The following COMMD10 variants were observed in gnomAD, a reference collection of about 807,000 sequenced individuals.
COMMD10 encodes COMM domain-containing protein 10.
Under a neutral mutation model 28.9 loss-of-function variants are expected in COMMD10, and 33 were observed. That is an observed-to-expected ratio of 1.14 (90% CI 0.87 to 1.53). The LOEUF is 1.53. Among genes scored for constraint, COMMD10 ranks in the 40% most tolerant of loss-of-function variants. COMMD10 has a pLI of 0.00. For synonymous variants in COMMD10, 110 were observed against 81.7 expected, an observed-to-expected ratio of 1.35 and a Z score of -1.87; for missense variants, 310 against 233.4, an observed-to-expected ratio of 1.33 and a Z score of -2.14.
chr5:116,248,279 G>A (rs1213131385), intron 5 of COMMD10, among the ~76,000 whole-genome samples: 1 of 151,952 alleles, frequency 6.6e-6, no homozygotes, highest in Non-Finnish European at 1.5e-5. Flanking sequence ...CTTAAGTGTA[G>A]CTTTTGGACA....
At chr5:116,131,138 C>T (rs1255400374) in intron 4 of COMMD10, among the ~76,000 whole-genome samples, 1 of 151,844 alleles carries the variant, frequency 6.6e-6, no homozygotes, top group Admixed American at 6.6e-5. Flanking sequence ...TATCATTTAA[C>T]CCTTTACAAC....
At chr5:116,126,233 C>T (rs1751632878) in intron 4 of COMMD10, among the ~76,000 whole-genome samples, 1 of 152,262 alleles carries the variant, frequency 6.6e-6, no homozygotes. Flanking sequence ...TGAAGGACCT[C>T]TTCAAGGAGA....
At chr5:116,264,689 A>G (rs536144250) in intron 5 of COMMD10, among the ~76,000 whole-genome samples, 2 of 151,940 alleles carry the variant, frequency 1.3e-5, no homozygotes, top group East Asian at 1.9e-4. Flanking sequence ...AATTTCTCAC[A>G]TTGCTTTTCT....
At chr5:116,193,842 C>G (rs1748436030) in intron 5 of COMMD10, among the ~76,000 whole-genome samples, 1 of 152,046 alleles carries the variant, frequency 6.6e-6, no homozygotes, top group South Asian at 2.1e-4. Context: ...AACATTTTAT[C>G]CAACAACCAC....
At chr5:116,266,829 G>T (rs1355793310) in intron 5 of COMMD10, among the ~76,000 whole-genome samples, 1 of 151,172 alleles carries the variant, frequency 6.6e-6, no homozygotes, top group Non-Finnish European at 1.5e-5. Context: ...CATATAAACA[G>T]AACCAAAGAC....
At chr5:116,241,838 C>CT (rs1350784471) in intron 5 of COMMD10, among the ~76,000 whole-genome samples, 2 of 151,602 alleles carry the variant, frequency 1.3e-5, no homozygotes, top group African/African-American at 2.4e-5. Flanking sequence ...AGGATGGTCT[C>CT]TATCTCCTGA....
At chr5:116,248,524 A>G (rs181769785) in intron 5 of COMMD10, among the ~76,000 whole-genome samples, 26 of 152,080 alleles carry the variant, frequency 1.7e-4, no homozygotes, top group African/African-American at 3.4e-4. Flanking sequence ...CTAGTTAGGT[A>G]TCAAAATAGC....
chr5:116,202,657 T>C (rs201983918), intron 5 of COMMD10, among the ~76,000 whole-genome samples: 5 of 151,808 alleles, frequency 3.3e-5, no homozygotes, highest in Admixed American at 6.6e-5. Context: ...CATTTTTTCA[T>C]GTGTCTTTTG....
chr5:116,245,887 G>T (rs544122553), intron 5 of COMMD10, among the ~76,000 whole-genome samples: 14 of 152,036 alleles, frequency 9.2e-5, no homozygotes, highest in Non-Finnish European at 1.6e-4. Context: ...CATACTGAAT[G>T]AGCAAAAGCT....
intron 5 of COMMD10, among the ~76,000 whole-genome samples, chr5:116,214,886 T>C (rs1296819366): frequency 6.6e-6 from 1 of 152,164 alleles, no homozygotes; most frequent in Non-Finnish European, 1.5e-5. Context: ...TTTATAATCC[T>C]AACTGTTAGC....
chr5:116,119,247 A>C (rs746685910), intron 4 of COMMD10, among the ~76,000 whole-genome samples: 4 of 152,230 alleles, frequency 2.6e-5, no homozygotes, highest in African/African-American at 7.2e-5. Flanking sequence ...TCACCCTAAC[A>C]GTGAGACTAG....
intron 5 of COMMD10, among the ~76,000 whole-genome samples, chr5:116,201,817 C>G (rs1320252234): frequency 6.6e-6 from 1 of 152,078 alleles, no homozygotes; most frequent in Non-Finnish European, 1.5e-5. Flanking sequence ...GTTACACACC[C>G]TGCAAGTGAC....
At chr5:116,206,519 G>T (rs1374972250) in intron 5 of COMMD10, among the ~76,000 whole-genome samples, 1 of 152,074 alleles carries the variant, frequency 6.6e-6, no homozygotes, top group Non-Finnish European at 1.5e-5. Context: ...GGGTGTGGTG[G>T]TGCACGCCTG....
At chr5:116,284,930 A>G (rs1437481748) in intron 5 of COMMD10, among the ~76,000 whole-genome samples, 1 of 151,968 alleles carries the variant, frequency 6.6e-6, no homozygotes, top group Non-Finnish European at 1.5e-5. Context: ...GGGGGCTGCA[A>G]CTGGTTTGTG....
chr5:116,273,868 TTAA>T (rs886947060), intron 5 of COMMD10, among the ~76,000 whole-genome samples: 50 of 151,902 alleles, frequency 3.3e-4, no homozygotes, highest in African/African-American at 1.1e-3. Context: ...GCATTTATTA[TTAA>T]TAAACTACAG....
chr5:116,136,879 C>A (rs1467675493), intron 5 of COMMD10, among the ~76,000 whole-genome samples: 1 of 152,072 alleles, frequency 6.6e-6, no homozygotes, highest in Non-Finnish European at 1.5e-5. Flanking sequence ...ATTTCTCTTT[C>A]ATCTTGTATG....
chr5:116,248,132 C>T (rs1439553725), intron 5 of COMMD10, among the ~76,000 whole-genome samples: 1 of 123,470 alleles, frequency 8.1e-6, no homozygotes, highest in East Asian at 2.4e-4. Flanking sequence ...TTGTGCTAAG[C>T]CAAAAAAAAA....
intron 5 of COMMD10, among the ~76,000 whole-genome samples, chr5:116,206,513 G>A (rs773667399): frequency 1.3e-5 from 2 of 152,070 alleles, no homozygotes; most frequent in African/African-American, 2.4e-5. Flanking sequence ...TTAACTGGGT[G>A]TGGTGGTGCA....
At chr5:116,258,105 T>A (rs898071175) in intron 5 of COMMD10, among the ~76,000 whole-genome samples, 1 of 151,814 alleles carries the variant, frequency 6.6e-6, no homozygotes, top group South Asian at 2.1e-4. Flanking sequence ...AAATTCATAT[T>A]GAATTTAAAG....
Sources: gnomAD v4.1 joint callset for allele counts (sites outside exome capture counted in the v4.1 genomes callset) on GRCh38, gnomAD v4.1.1 for gene constraint, MANE v1.5 for transcripts, NCBI Gene and HGNC (gene_info 2026-07-23, HGNC 2026-07-21) for gene names.